The following PITPNC1 variants were observed in gnomAD, a reference collection of about 807,000 sequenced individuals.
The protein encoded by PITPNC1 is cytoplasmic phosphatidylinositol transfer protein 1.
PITPNC1 carries 18 observed loss-of-function variants against 44.7 expected under a neutral mutation model. The observed-to-expected ratio is 0.40, with a 90% CI of 0.28 to 0.60. The LOEUF is 0.60. Ranked by LOEUF, PITPNC1 falls within the 20% of genes least tolerant of loss-of-function variation. PITPNC1 has a pLI of 0.39. For missense variants in PITPNC1, 290 were observed against 418.4 expected (o/e 0.69, Z 2.68); for synonymous variants, 141 against 149.6 (o/e 0.94, Z 0.42).
intron 6 of PITPNC1, among the ~76,000 whole-genome samples, chr17:67,665,372 C>A (rs963552699): frequency 6.6e-6 from 1 of 152,136 alleles, no homozygotes; most frequent in East Asian, 1.9e-4. Context: ...GGGTTACAGG[C>A]GTGAGCCACT....
chr17:67,521,108 G>A (rs2040319949), intron 1 of PITPNC1, among the ~76,000 whole-genome samples: 1 of 135,832 alleles, frequency 7.4e-6, no homozygotes, highest in African/African-American at 2.9e-5. Flanking sequence ...CCCTTGAGGC[G>A]ATTTGCACAG....
At chr17:67,436,605 A>G (rs986664081) in intron 1 of PITPNC1, among the ~76,000 whole-genome samples, 6 of 152,086 alleles carry the variant, frequency 3.9e-5, no homozygotes, top group African/African-American at 1.2e-4. Flanking sequence ...CCTTTTTGCA[A>G]TGGGAGCCAC....
At chr17:67,459,652 C>T (rs1267715664) in intron 1 of PITPNC1, 1 of 152,148 alleles carries the variant, frequency 6.6e-6, no homozygotes, top group Admixed American at 6.6e-5. Flanking sequence ...TGCCATATTT[C>T]TGAACCAGGA....
At chr17:67,433,400 T>C (rs773667406) in intron 1 of PITPNC1, among the ~76,000 whole-genome samples, 27 of 152,146 alleles carry the variant, frequency 1.8e-4, no homozygotes, top group Non-Finnish European at 3.7e-4. Context: ...GCTGTGCTTC[T>C]GGGCAGATGA....
chr17:67,539,405 C>T (rs1033785064), intron 2 of PITPNC1, among the ~76,000 whole-genome samples: 1 of 152,150 alleles, frequency 6.6e-6, no homozygotes, highest in African/African-American at 2.4e-5. Context: ...GAAATGGAAG[C>T]GATTCAAGTA....
intron 5 of PITPNC1, 62 bp from the exon 6 acceptor site, chr17:67,632,081 G>A (rs756754621): frequency 1.2e-5 from 12 of 992,212 alleles, no homozygotes; most frequent in Non-Finnish European, 1.6e-5. Context: ...ATTCTGCCTC[G>A]GGCACTTTGG....
intron 5 of PITPNC1, among the ~76,000 whole-genome samples, chr17:67,595,373 A>G (rs576821949): frequency 3.0e-4 from 46 of 152,330 alleles, no homozygotes; most frequent in African/African-American, 1.1e-3. Context: ...CATCTTTATA[A>G]AATGGATTTC....
chr17:67,440,517 T>C (rs1024602310), intron 1 of PITPNC1, among the ~76,000 whole-genome samples: 28 of 148,788 alleles, frequency 1.9e-4, no homozygotes, highest in African/African-American at 6.6e-4. Context: ...TTTATTTATT[T>C]ATTTATTTAT....
intron 8 of PITPNC1, among the ~76,000 whole-genome samples, chr17:67,688,292 C>T (rs371332345): frequency 9.0e-6 from 1 of 111,222 alleles, no homozygotes; most frequent in African/African-American, 3.3e-5. Context: ...GAGCCAAGAT[C>T]GCGCCATTGC....
chr17:67,667,862 C>G (rs2042447779), intron 6 of PITPNC1, among the ~76,000 whole-genome samples: 1 of 151,974 alleles, frequency 6.6e-6, no homozygotes, highest in African/African-American at 2.4e-5. Context: ...TGCCTGTGAT[C>G]CCAGCTACTT....
intron 6 of PITPNC1, among the ~76,000 whole-genome samples, chr17:67,634,566 T>C (rs2144338077): frequency 6.6e-6 from 1 of 152,046 alleles, no homozygotes; most frequent in East Asian, 1.9e-4. Context: ...AAGAGATGCT[T>C]AGGGTCCCTC....
At chr17:67,590,895 C>T (rs557473684) in intron 5 of PITPNC1, among the ~76,000 whole-genome samples, 5 of 151,314 alleles carry the variant, frequency 3.3e-5, no homozygotes, top group African/African-American at 4.8e-5. Context: ...GGAGGTTGCA[C>T]TGAGCCAAGA....
chr17:67,382,338 GGTGTGTGTGTGTGTGTGT>G (rs112100189), intron 1 of PITPNC1, among the ~76,000 whole-genome samples: 2 of 146,090 alleles, frequency 1.4e-5, no homozygotes, highest in East Asian at 2.0e-4. Flanking sequence ...GGGGTTTTTT[GGTGTGTGTGTGTGTGTGT>G]GTGTGTGTGT....
At position 67,407,012 on chromosome 17, in the gene PITPNC1, C is replaced by A. The variant is rs539374152; in HGVS notation, c.48+28810C>A. 3.9e-5 allele frequency among the ~76,000 whole-genome samples: 6 copies of A among 152,294 alleles called. 1 individual carries two copies. The highest frequency in any genetic ancestry group is 1.4e-4 in the African/African-American group (6 of 41,572). On this transcript the variant is annotated intron_variant, in intron 1 of 8. Transcript: ENST00000581322. ...TTTATTTAACCACTTGCTTTCAGTT[C>A]TTTGGGATATATACCTAGGGGTGGG...
intron 4 of PITPNC1, among the ~76,000 whole-genome samples, chr17:67,569,790 G>C (rs1267434410): frequency 2.0e-5 from 3 of 152,160 alleles, no homozygotes; most frequent in African/African-American, 7.2e-5. Flanking sequence ...TTTTTAGGGG[G>C]TTGGGGCAAA....
intron 1 of PITPNC1, among the ~76,000 whole-genome samples, chr17:67,491,930 G>C (rs1045152270): frequency 6.6e-6 from 1 of 151,810 alleles, no homozygotes; most frequent in African/African-American, 2.4e-5. Context: ...GGGGTGTTGG[G>C]AGAAGCCAAA....
intron 1 of PITPNC1, among the ~76,000 whole-genome samples, chr17:67,490,609 T>C (rs963888316): frequency 6.6e-6 from 1 of 151,942 alleles, no homozygotes; most frequent in African/African-American, 2.4e-5. Flanking sequence ...CTGCTGGGAG[T>C]TTCTGGTGTC....
intron 7 of PITPNC1, 123 bp from the exon 8 acceptor site, chr17:67,675,356 C>A: frequency 1.4e-6 from 1 of 738,424 alleles, no homozygotes; most frequent in Non-Finnish European, 2.4e-6. Flanking sequence ...ATTGTCATCA[C>A]CTATGGACAG....
At position 67,647,734 on chromosome 17, in the gene PITPNC1, T is replaced by A. The variant is rs60038856; in HGVS notation, c.462+15496T>A. On this transcript the variant is annotated intron_variant, in intron 6 of 8. Transcript: ENST00000581322. Reference sequence around the variant, plus strand: ...TCCACACGATAGTCTTAGAGTTAAATAACTTGCCCAGGTTCACACAGTAGT... The same window carrying A: ...TCCACACGATAGTCTTAGAGTTAAAAAACTTGCCCAGGTTCACACAGTAGT... Among the ~76,000 whole-genome samples the A allele has an allele frequency of 2.6e-3, 391 of 152,234 alleles. 1 individual carries two copies. The highest frequency in any genetic ancestry group is 8.6e-3 in the African/African-American group (356 of 41,548).
Sources: allele counts gnomAD v4.1 joint callset (sites outside exome capture counted in the v4.1 genomes callset), GRCh38; gene constraint gnomAD v4.1.1; transcripts MANE v1.5; gene names NCBI Gene and HGNC (gene_info 2026-07-23, HGNC 2026-07-21).